DNM3: variants seen among roughly 807,000 people sequenced by gnomAD.
DNM3 encodes dynamin-3.
In DNM3, 47 loss-of-function variants were observed where a neutral mutation model predicts 101.6. The observed-to-expected ratio is 0.46, with a 90% CI of 0.37 to 0.59. The LOEUF (loss-of-function observed/expected upper bound fraction) is 0.59. Among genes scored for constraint, DNM3 ranks in the 20% least tolerant of loss-of-function variants. The probability of loss-of-function intolerance (pLI) is 0.00; values close to 1 mark genes in which losing one functional copy is unlikely to be tolerated. For synonymous variants in DNM3, 385 were observed against 387.9 expected (o/e 0.99, Z 0.09); for missense variants, 849 against 1,085.7 (o/e 0.78, Z 3.06).
At chr1:171,944,822 GTTTTTTTTTGTTTTCT>G (rs1389372151) in intron 2 of DNM3, among the ~76,000 whole-genome samples, 6 of 75,316 alleles carry the variant, frequency 8.0e-5, no homozygotes, top group African/African-American at 3.0e-4. Context: ...ATATTAAAGT[GTTTTTTTTTGTTTTCT>G]TTTTTTTTGG....
At chr1:172,262,274 G>C (rs2062687554) in intron 15 of DNM3, among the ~76,000 whole-genome samples, 1 of 152,150 alleles carries the variant, frequency 6.6e-6, no homozygotes, top group African/African-American at 2.4e-5. Context: ...CCCCTCTGCA[G>C]AGGGCCACAG....
chr1:171,908,481 A>C (rs1373909207), intron 1 of DNM3, among the ~76,000 whole-genome samples: 1 of 152,150 alleles, frequency 6.6e-6, no homozygotes, highest in African/African-American at 2.4e-5. Flanking sequence ...GGTTTTTTCC[A>C]TCCAGTGGAT....
chr1:172,339,991 A>G (rs1558016875), intron 17 of DNM3, among the ~76,000 whole-genome samples: 2 of 152,184 alleles, frequency 1.3e-5, no homozygotes. Context: ...CACTAAAGAT[A>G]GTATACTTCA....
chr1:172,268,915 C>G (rs1288537656), intron 15 of DNM3, among the ~76,000 whole-genome samples: 1 of 152,106 alleles, frequency 6.6e-6, no homozygotes, highest in Non-Finnish European at 1.5e-5. Flanking sequence ...TGGAGGAATT[C>G]TTCATGCTTA....
At chr1:171,963,677 G>T (rs997774205) in intron 2 of DNM3, among the ~76,000 whole-genome samples, 3 of 151,554 alleles carry the variant, frequency 2.0e-5, no homozygotes, top group Non-Finnish European at 4.4e-5. Flanking sequence ...ACCTAAAGCT[G>T]CTCTAAAAAT....
intron 1 of DNM3, among the ~76,000 whole-genome samples, chr1:171,869,993 T>C (rs1334638192): frequency 6.6e-6 from 1 of 152,196 alleles, no homozygotes. Context: ...ATAGTTAGGC[T>C]CATTAGACAG....
At chr1:171,914,927 G>A (rs1000061049) in intron 1 of DNM3, among the ~76,000 whole-genome samples, 1 of 151,914 alleles carries the variant, frequency 6.6e-6, no homozygotes, top group South Asian at 2.1e-4. Flanking sequence ...GTGGGGGTGG[G>A]GGGACCTCGA....
chr1:172,207,120 G>A (rs1187832458), intron 14 of DNM3, among the ~76,000 whole-genome samples: 1 of 151,958 alleles, frequency 6.6e-6, no homozygotes, highest in Non-Finnish European at 1.5e-5. Flanking sequence ...CAGGTCAGAA[G>A]GAGAATAATT....
At chr1:172,061,710 A>C (rs1300437180) in intron 10 of DNM3, among the ~76,000 whole-genome samples, 1 of 69,726 alleles carries the variant, frequency 1.4e-5, no homozygotes, top group Non-Finnish European at 2.7e-5. Flanking sequence ...GGGTGGGGGG[A>C]GGGGGGAGGG....
intron 2 of DNM3, among the ~76,000 whole-genome samples, chr1:171,934,046 A>C (rs2041229875): frequency 6.6e-6 from 1 of 152,220 alleles, no homozygotes; most frequent in Non-Finnish European, 1.5e-5. Context: ...ATTCCTCTTC[A>C]AAGTTTTATT....
intron 1 of DNM3, among the ~76,000 whole-genome samples, chr1:171,900,746 T>C (rs987447030): frequency 6.6e-6 from 1 of 152,070 alleles, no homozygotes; most frequent in Non-Finnish European, 1.5e-5. Context: ...TACTTGTCTT[T>C]TTCCCCAAGG....
intron 1 of DNM3, among the ~76,000 whole-genome samples, chr1:171,874,022 A>G (rs1017934744): frequency 6.6e-6 from 1 of 152,218 alleles, no homozygotes; most frequent in Admixed American, 6.5e-5. Context: ...TGAAGTATAT[A>G]TTAGAGTACA....
At chr1:172,320,245 TG>T (rs2065636709) in intron 16 of DNM3, among the ~76,000 whole-genome samples, 1 of 109,530 alleles carries the variant, frequency 9.1e-6, no homozygotes, top group Non-Finnish European at 1.9e-5. Context: ...GGTGGGGGGA[TG>T]GGGGAGGGAT....
intron 14 of DNM3, among the ~76,000 whole-genome samples, chr1:172,148,715 G>T (rs1478965409): frequency 1.3e-5 from 2 of 151,784 alleles, no homozygotes; most frequent in Non-Finnish European, 2.9e-5. Flanking sequence ...GCTGACCTTA[G>T]TTCATTGCAA....
intron 13 of DNM3, among the ~76,000 whole-genome samples, chr1:172,118,021 C>T (rs2056045129): frequency 6.6e-6 from 1 of 152,138 alleles, no homozygotes; most frequent in African/African-American, 2.4e-5. Context: ...GTGGTTTGCA[C>T]AAGGTGAAAG....
intron 1 of DNM3, among the ~76,000 whole-genome samples, chr1:171,917,768 A>G (rs1318424820): frequency 2.6e-5 from 4 of 152,246 alleles, no homozygotes; most frequent in Non-Finnish European, 5.9e-5. Flanking sequence ...ATATAGATAT[A>G]TTAGAAAATA....
intron 14 of DNM3, among the ~76,000 whole-genome samples, chr1:172,172,488 T>C (rs1436025059): frequency 6.6e-6 from 1 of 151,734 alleles, no homozygotes; most frequent in Non-Finnish European, 1.5e-5. Flanking sequence ...CTACTCAGAT[T>C]GGTGCACAGT....
intron 14 of DNM3, among the ~76,000 whole-genome samples, chr1:172,208,800 A>G (rs1256125468): frequency 2.0e-5 from 3 of 152,108 alleles, no homozygotes; most frequent in Non-Finnish European, 4.4e-5. Flanking sequence ...ATAATAATGT[A>G]TCATTTTCAG....
chr1:172,250,219 AG>A (rs2062115133), intron 14 of DNM3, among the ~76,000 whole-genome samples: 1 of 152,176 alleles, frequency 6.6e-6, no homozygotes, highest in South Asian at 2.1e-4. Flanking sequence ...TCTTTTGCAC[AG>A]AAAGTAGAAC....
Sources: gnomAD v4.1 joint callset for allele counts (sites outside exome capture counted in the v4.1 genomes callset) on GRCh38, gnomAD v4.1.1 for gene constraint, MANE v1.5 for transcripts, NCBI Gene and HGNC (gene_info 2026-07-23, HGNC 2026-07-21) for gene names.